The following MFAP2 variants were observed in gnomAD, a reference collection of about 807,000 sequenced individuals.
MFAP2 encodes the protein microfibril associated protein 2.
MFAP2 carries 23 observed loss-of-function variants against 30.6 expected under a neutral mutation model. That is an observed-to-expected ratio of 0.75 (90% CI 0.54 to 1.07). The LOEUF is 1.07. Among genes scored for constraint, MFAP2 ranks in the 50% least tolerant of loss-of-function variants. The probability of loss-of-function intolerance (pLI) is 0.00; values close to 1 mark genes in which losing one functional copy is unlikely to be tolerated. For missense variants in MFAP2, 198 were observed against 223.8 expected, an observed-to-expected ratio of 0.88 and a Z score of 0.74; for synonymous variants, 73 against 85.7, an observed-to-expected ratio of 0.85 and a Z score of 0.82.
At chr1:16,979,309 C>T (rs910107986) in intron 1 of MFAP2, among the ~76,000 whole-genome samples, 13 of 152,290 alleles carry the variant, frequency 8.5e-5, no homozygotes, top group Admixed American at 4.6e-4. Context: ...GCTGCGAGGG[C>T]GGGGTCCATC....
At position 16,976,059 on chromosome 1, in the gene MFAP2, C is replaced by T. The variant is rs2076588265; in HGVS notation, c.287-329G>A. On this transcript the variant is annotated intron_variant, in intron 6 of 8. Transcript: ENST00000375535. The surrounding 1 kb of genome is among the most constrained non-coding windows in gnomAD (Gnocchi z 5.5). The stretch of plus-strand genomic sequence containing the variant: ...AGAAGCCCACATAGGAGCGCTCACA[C>T]CAACCCACACGAGAGTGAGCACACG... 6 of 469,468 alleles carry T rather than the reference C, an allele frequency of 1.3e-5. No homozygotes were observed. In the East Asian group the frequency reaches 2.4e-4, roughly 19 times the overall value. The allele number at this position is 469,468 out of a possible 1,614,324, so 29.1% of individuals were successfully genotyped here.
At position 16,975,383 on chromosome 1, in the gene MFAP2, C is replaced by T. The variant is rs1381673968; in HGVS notation, c.375-41G>A. The T allele has an allele frequency of 1.2e-6, 2 of 1,601,860 alleles. No homozygotes were observed. The highest frequency in any genetic ancestry group is 2.2e-5 in the East Asian group (1 of 44,818). On this transcript the variant is annotated intron_variant, in intron 7 of 8. Coordinates refer to ENST00000375535, the MANE Select transcript of MFAP2 (RefSeq NM_002403.4). This position sits in a 1 kb window ranked among gnomAD's most constrained non-coding sequence, Gnocchi z 5.0. Reference sequence around the variant, plus strand: ...ACGGGAGGTCTCAGCCCCACTTCCACCCAATCCCACTGGGATAGCCCAGAC... The same window carrying T: ...ACGGGAGGTCTCAGCCCCACTTCCATCCAATCCCACTGGGATAGCCCAGAC...
At chr1:16,978,164 T>C in intron 2 of MFAP2, 73 bp downstream of exon 2, 2 of 1,485,250 alleles carry the variant, frequency 1.3e-6, no homozygotes, top group Non-Finnish European at 1.8e-6. Flanking sequence ...AGGCTCACTA[T>C]GAATTCCCCC....
upstream of MFAP2, among the ~76,000 whole-genome samples, chr1:16,981,453 C>T (rs2100592900): frequency 6.6e-6 from 1 of 152,274 alleles, no homozygotes; most frequent in African/African-American, 2.4e-5. Flanking sequence ...CTTCCATTAC[C>T]CAGGCTTCCT....
intron 2 of MFAP2, 97 bp downstream of exon 2, chr1:16,978,140 A>G (rs1273254793): frequency 9.5e-6 from 13 of 1,368,728 alleles, no homozygotes; most frequent in African/African-American, 2.9e-5. Context: ...AGTTCTGGTC[A>G]TAAGTCGTGA....
rs545333911 is a variant in MFAP2, at chr1:16,975,553, A to G, written c.374+90T>C. 42 of 1,399,182 alleles carry G rather than the reference A, an allele frequency of 3.0e-5. No homozygotes were observed. In the African/African-American group the frequency reaches 5.3e-4, roughly 18 times the overall value. 86.7% of individuals were successfully genotyped at this position (1,399,182 alleles called of 1,614,324 possible). ...TTAAGGACTCACTATCTTTCCTCCAACTCCCACCTTGGCGGGCCAGAGCTG... is the reference window on the plus strand; with the variant it reads ...TTAAGGACTCACTATCTTTCCTCCAGCTCCCACCTTGGCGGGCCAGAGCTG... On this transcript the variant is annotated intron_variant, in intron 7 of 8. Coordinates refer to ENST00000375535, the MANE Select transcript of MFAP2 (RefSeq NM_002403.4). The surrounding 1 kb of genome is among the most constrained non-coding windows in gnomAD (Gnocchi z 5.0).
At chr1:16,978,014 G>C in intron 2 of MFAP2, 1 of 504,920 alleles carries the variant, frequency 2.0e-6, no homozygotes, top group South Asian at 2.4e-5. Context: ...AACCCTGCCT[G>C]CCTGCTGCTG....
chr1:16,976,386 G>T lies in MFAP2; in HGVS notation c.286+115C>A. ...CTACGGCAGTCATACTGCCCACACT[G>T]CCAAGAGCCCACATGGGCAAGGGCC... On this transcript the variant is annotated intron_variant, in intron 6 of 8. Transcript: ENST00000375535. This position sits in a 1 kb window ranked among gnomAD's most constrained non-coding sequence, Gnocchi z 5.5. 1 of 1,372,468 alleles carries T rather than the reference G, an allele frequency of 7.3e-7. No individual in the cohort carries two copies. The highest frequency in any genetic ancestry group is 1.0e-6 in the Non-Finnish European group (1 of 963,858). 85.0% of individuals were successfully genotyped at this position (1,372,468 alleles called of 1,614,324 possible). A position where few individuals can be genotyped will look rare whatever the true frequency, so the allele number is the denominator to read the frequency against.
At position 16,976,396 on chromosome 1, in the gene MFAP2, C is replaced by T; in HGVS notation, c.286+105G>A. 1 of 1,448,456 alleles carries T rather than the reference C, an allele frequency of 6.9e-7. No homozygotes were observed. The highest frequency in any genetic ancestry group is 9.7e-7 in the Non-Finnish European group (1 of 1,030,956). The allele number at this position is 1,448,456 out of a possible 1,614,324, so 89.7% of individuals were successfully genotyped here. A position where few individuals can be genotyped will look rare whatever the true frequency, so the allele number is the denominator to read the frequency against. ...CATACTGCCCACACTGCCAAGAGCC[C>T]ACATGGGCAAGGGCCAAAGACCTCC... On this transcript the variant is annotated intron_variant, in intron 6 of 8. Transcript: ENST00000375535. This position sits in a 1 kb window ranked among gnomAD's most constrained non-coding sequence, Gnocchi z 5.5.
At position 16,978,317 on chromosome 1, in the gene MFAP2, G is replaced by A. The variant is rs762197501; in HGVS notation, c.-41-3C>T. 7 of 1,560,318 alleles carry A rather than the reference G, an allele frequency of 4.5e-6. No individual in the cohort carries two copies. In the African/African-American group the frequency reaches 5.4e-5, roughly 12 times the overall value. ...CGGGGTGGTGTCAGAGAGGACAGCT[G>A]GGGAAAGACCGGTGGGAGAGCTCTA... On this transcript the variant is annotated splice_region_variant and splice_polypyrimidine_tract_variant and intron_variant, in intron 1 of 8. Transcript: ENST00000375535.
rs1453614531 is a variant in MFAP2, at chr1:16,977,130, T to C, written c.106A>G (p.Thr36Ala). The part of the protein sequence containing the change: ...LPPFPDHVQY[T>A]HYSDQIDNPD... ...TTACCGATCTGGTCGCTATAGTGGG[T>C]GTACTGGACGTGGTCAGGGAACGGC... is the stretch of plus-strand genomic sequence containing the variant. Residue 36 changes from threonine to alanine, a missense_variant, in exon 3 of 9, where the codon ACC becomes GCC. Thr to Ala is a moderately conservative substitution (Grantham distance 58). Coordinates refer to ENST00000375535, the MANE Select transcript of MFAP2 (RefSeq NM_002403.4). 6.2e-7 allele frequency: 1 copy of C among 1,613,748 alleles called. No homozygotes were observed. The highest frequency in any genetic ancestry group is 1.1e-5 in the South Asian group (1 of 91,068).
rs1431215719 is a variant in MFAP2 at position 16,980,568 on chromosome 1, G to A, written c.-42+19C>T. 3 of 151,840 alleles carry A rather than the reference G, an allele frequency of 2.0e-5. No individual in the cohort carries two copies. Among genetic ancestry groups the A allele is most frequent in the Non-Finnish European group, 4.4e-5 (3 of 68,060 alleles). The allele number at this position is 151,840 out of a possible 1,614,324, so 9.4% of individuals were successfully genotyped here. A position where few individuals can be genotyped will look rare whatever the true frequency, so the allele number is the denominator to read the frequency against. ...CCTGACCGCCCCCCGGGGCCCCCAA[G>A]CGCCAGGCCCGCGCCTACCTGTCCG... On this transcript the variant is annotated intron_variant, in intron 1 of 8. Coordinates refer to ENST00000375535, the MANE Select transcript of MFAP2 (RefSeq NM_002403.4).
upstream of MFAP2, among the ~76,000 whole-genome samples, chr1:16,981,029 T>C (rs1367266299): frequency 1.3e-5 from 2 of 152,106 alleles, no homozygotes; most frequent in African/African-American, 2.4e-5. Context: ...CCTGCCTTGG[T>C]TTTCCTTCTG....
Position 16,976,906 on chromosome 1 carries a change from C to T in MFAP2, c.145G>A (p.Asp49Asn). ...SDQIDNPDYYDYQEVTPRPSE... is the reference protein window; with the variant it reads ...SDQIDNPDYYNYQEVTPRPSE... ...ACCCCTAGCCCGTTACCTTGATAATCATAGTAGTCTGGGTTGTCTGCAAAC... is the reference window on the plus strand; with the variant it reads ...ACCCCTAGCCCGTTACCTTGATAATTATAGTAGTCTGGGTTGTCTGCAAAC... Residue 49 changes from aspartate (D) to asparagine (N), a missense_variant, in exon 4 of 9, where the codon GAT becomes AAT. Asp to Asn is a conservative substitution (Grantham distance 23). Transcript: ENST00000375535. The surrounding 1 kb of genome is among the most constrained non-coding windows in gnomAD (Gnocchi z 5.5). The T allele has an allele frequency of 6.2e-7, 1 of 1,614,120 alleles. No homozygotes were observed. The highest frequency in any genetic ancestry group is 2.2e-5 in the East Asian group (1 of 44,872).
chr1:16,975,476 C>T lies in MFAP2; in HGVS notation c.375-134G>A. ...CCGGACAGAACCTGGCACTGGAGCCCAGGAGTGGAGGAGGTCCCTGGCCCA... is the reference window on the plus strand; with the variant it reads ...CCGGACAGAACCTGGCACTGGAGCCTAGGAGTGGAGGAGGTCCCTGGCCCA... On this transcript the variant is annotated intron_variant, in intron 7 of 8. Coordinates refer to ENST00000375535, the MANE Select transcript of MFAP2 (RefSeq NM_002403.4). The surrounding 1 kb of genome is among the most constrained non-coding windows in gnomAD (Gnocchi z 5.0). 4 of 1,195,788 alleles carry T rather than the reference C, an allele frequency of 3.3e-6. No individual in the cohort carries two copies. The highest frequency in any genetic ancestry group is 2.1e-4 in the Middle Eastern group (1 of 4,658). The allele number at this position is 1,195,788 out of a possible 1,614,324, so 74.1% of individuals were successfully genotyped here.
chr1:16,975,380 C>T lies in MFAP2; in HGVS notation c.375-38G>A. 6.2e-7 allele frequency: 1 copy of T among 1,601,440 alleles called. No individual in the cohort carries two copies. The highest frequency in any genetic ancestry group is 1.3e-5 in the African/African-American group (1 of 74,742). Reference sequence around the variant, plus strand: ...GGCACGGGAGGTCTCAGCCCCACTTCCACCCAATCCCACTGGGATAGCCCA... The same window carrying T: ...GGCACGGGAGGTCTCAGCCCCACTTTCACCCAATCCCACTGGGATAGCCCA... On this transcript the variant is annotated intron_variant, in intron 7 of 8. Coordinates refer to ENST00000375535, the MANE Select transcript of MFAP2 (RefSeq NM_002403.4). This position sits in a 1 kb window ranked among gnomAD's most constrained non-coding sequence, Gnocchi z 5.0.
intron 1 of MFAP2, among the ~76,000 whole-genome samples, chr1:16,980,250 T>A (rs1403187512): frequency 7.2e-6 from 1 of 139,492 alleles, no homozygotes; most frequent in Non-Finnish European, 1.5e-5. Context: ...CGTCTCTGTC[T>A]CGGCCATTCC....
chr1:16,976,575 C>T lies in MFAP2; in HGVS notation c.242-30G>A, dbSNP rs772578774. 2.5e-6 allele frequency: 4 copies of T among 1,614,152 alleles called. No individual in the cohort carries two copies. The highest frequency in any genetic ancestry group is 3.4e-6 in the Non-Finnish European group (4 of 1,179,992). ...TGTGGAGACAGAGGTAGGCAGACAT[C>T]ACTGGGAGGGGTCTCCTCAGGGCAA... On this transcript the variant is annotated intron_variant, in intron 5 of 8. Coordinates refer to ENST00000375535, the MANE Select transcript of MFAP2 (RefSeq NM_002403.4). This position sits in a 1 kb window ranked among gnomAD's most constrained non-coding sequence, Gnocchi z 5.5.
chr1:16,981,218 A>G (rs892739214), upstream of MFAP2, among the ~76,000 whole-genome samples: 1 of 152,136 alleles, frequency 6.6e-6, no homozygotes, highest in African/African-American at 2.4e-5. Context: ...TTTGGCCTCA[A>G]GCATTCCTCC....
Sources: allele counts gnomAD v4.1 joint callset (sites outside exome capture counted in the v4.1 genomes callset), GRCh38; gene constraint gnomAD v4.1.1; non-coding constraint Gnocchi (gnomAD v3.1); transcripts MANE v1.5; gene names NCBI Gene and HGNC (gene_info 2026-07-23, HGNC 2026-07-21).